Variants in PKD1L3 observed in about 807,000 individuals in gnomAD.
The protein encoded by PKD1L3 is polycystin-1-like protein 3.
A neutral mutation model predicts 184.1 loss-of-function variants in PKD1L3; 239 were observed. The ratio of observed to expected loss-of-function variants is 1.30; its 90% CI spans 1.17 to 1.45. The LOEUF is 1.45. Ranked by LOEUF, PKD1L3 falls within the 40% of genes most tolerant of loss-of-function variation. PKD1L3 has a pLI of 0.00. For missense variants in PKD1L3, 2,660 were observed against 2,067.2 expected, an observed-to-expected ratio of 1.29 and a Z score of -5.56; for synonymous variants, 996 against 778.8, an observed-to-expected ratio of 1.28 and a Z score of -4.64.
Position 71,979,789 on chromosome 16 carries a change from G to T in PKD1L3, c.1395C>A (p.Val465=). 1.3e-6 allele frequency: 2 copies of T among 1,498,808 alleles called. No homozygotes were observed. The highest frequency in any genetic ancestry group is 2.7e-5 in the South Asian group (2 of 75,184). 92.8% of individuals were successfully genotyped at this position (1,498,808 alleles called of 1,614,324 possible). ...TCACAATCAATTTCACACTCACTTG[G>T]ACATTAACTCCTGGATGTTTATTCA... The part of the protein sequence containing the change: ...ELLNKHPGVN[V]QITGLAFNPF... The change falls in exon 9 of 30, where the codon GTC becomes GTA. Residue 465 remains valine, a synonymous_variant. Coordinates refer to ENST00000620267, the MANE Select transcript of PKD1L3 (RefSeq NM_181536.2).
chr16:71,985,243 G>C (rs989208303), intron 5 of PKD1L3, among the ~76,000 whole-genome samples: 2 of 152,056 alleles, frequency 1.3e-5, no homozygotes, highest in Non-Finnish European at 2.9e-5. Context: ...CTGTAGGTCA[G>C]TTTCTCCCCC....
chr16:71,986,633 A>T (rs1299844000), intron 4 of PKD1L3, among the ~76,000 whole-genome samples, 164 bp from the exon 5 acceptor site: 11 of 152,190 alleles, frequency 7.2e-5, no homozygotes, highest in Admixed American at 7.2e-4. Flanking sequence ...AAATTTCAAG[A>T]AATCTGCATA....
Position 71,956,156 on chromosome 16 carries a change from C to A in PKD1L3, c.2613-1855G>T, listed in dbSNP as rs903237917. On this transcript the variant is annotated intron_variant, in intron 16 of 29. Transcript: ENST00000620267. ...TCCAGGTGTGAGCCACTGCACCTGG[C>A]CCATCATTTAGCTTTAAAAAGGAAG... 2.7e-5 allele frequency among the ~76,000 whole-genome samples: 4 copies of A among 150,220 alleles called. No individual in the cohort carries two copies. In the Admixed American group the frequency reaches 2.7e-4, roughly 10 times the overall value.
chr16:71,967,448 A>G (rs2039545465), intron 14 of PKD1L3, 133 bp from the exon 15 acceptor site: 30 of 898,782 alleles, frequency 3.3e-5, no homozygotes, highest in Non-Finnish European at 4.7e-5. Flanking sequence ...AGCATAGATA[A>G]TTCTTCATAT....
intron 24 of PKD1L3, among the ~76,000 whole-genome samples, chr16:71,940,590 C>T (rs1219455612): frequency 6.6e-6 from 1 of 152,006 alleles, no homozygotes; most frequent in Non-Finnish European, 1.5e-5. Context: ...ACCTCCGCCT[C>T]CTGGGTTCAA....
At chr16:71,966,852 A>G (rs1443469949) in intron 15 of PKD1L3, among the ~76,000 whole-genome samples, 1 of 152,194 alleles carries the variant, frequency 6.6e-6, no homozygotes, top group Non-Finnish European at 1.5e-5. Context: ...CTTTCAGGCA[A>G]TATTTCATTG....
intron 4 of PKD1L3, among the ~76,000 whole-genome samples, chr16:71,989,313 T>C (rs1567551644): frequency 6.6e-6 from 1 of 152,124 alleles, no homozygotes; most frequent in African/African-American, 2.4e-5. Context: ...CCACCAAGCC[T>C]GGCTAATTTT....
At chr16:71,943,252 TGTGGCTGGGCACA>T (rs2038425045) in intron 23 of PKD1L3, among the ~76,000 whole-genome samples, 1 of 152,078 alleles carries the variant, frequency 6.6e-6, no homozygotes, top group South Asian at 2.1e-4. Flanking sequence ...ATACAATGGC[TGTGGCTGGGCACA>T]GTGGCTCACA....
intron 4 of PKD1L3, among the ~76,000 whole-genome samples, chr16:71,986,687 C>T (rs539625289): frequency 8.7e-4 from 132 of 152,146 alleles, no homozygotes; most frequent in African/African-American, 2.9e-3. Context: ...TATTGTCAAT[C>T]GTTCAATAAA....
chr16:71,970,660 T>C (rs1171303652), intron 12 of PKD1L3, among the ~76,000 whole-genome samples: 1 of 151,982 alleles, frequency 6.6e-6, no homozygotes, highest in Non-Finnish European at 1.5e-5. Flanking sequence ...ATATAAAAAT[T>C]AGCCAGGCTT....
Position 71,984,031 on chromosome 16 carries a change from C to T in PKD1L3, c.966+5G>A. On this transcript the variant is annotated splice_donor_5th_base_variant and intron_variant, in intron 6 of 29. Transcript: ENST00000620267. ...CTTCTTCCCTCCCAGTCACCCTCCA[C>T]TTACCTGAGCTGGCTTAGAAAATCT... is the stretch of plus-strand genomic sequence containing the variant. The T allele has an allele frequency of 1.9e-6, 3 of 1,551,908 alleles. No individual in the cohort carries two copies. The highest frequency in any genetic ancestry group is 2.6e-6 in the Non-Finnish European group (3 of 1,146,864).
chr16:71,967,529 A>G (rs1235551578), intron 14 of PKD1L3, among the ~76,000 whole-genome samples: 2 of 152,078 alleles, frequency 1.3e-5, no homozygotes, highest in African/African-American at 4.8e-5. Flanking sequence ...CAGTGGTGTG[A>G]TCTTGGCTTA....
intron 9 of PKD1L3, among the ~76,000 whole-genome samples, chr16:71,979,007 A>G (rs1012134207): frequency 1.3e-5 from 2 of 152,212 alleles, no homozygotes; most frequent in African/African-American, 4.8e-5. Context: ...CTATTTTACT[A>G]GGAAGTAACT....
At chr16:71,998,464 T>C in intron 1 of PKD1L3, 70 bp from the exon 2 acceptor site, 1 of 1,502,568 alleles carries the variant, frequency 6.7e-7, no homozygotes, top group Non-Finnish European at 8.8e-7. Flanking sequence ...TTTTTATTAT[T>C]GTTTTTGAGA....
At chr16:71,974,682 AAAACAG>A in intron 11 of PKD1L3, among the ~76,000 whole-genome samples, 1 of 152,166 alleles carries the variant, frequency 6.6e-6, no homozygotes, top group Non-Finnish European at 1.5e-5. Context: ...AGCCTGTCTC[AAAACAG>A]AAACAGAAAC....
rs556869795 is a variant in PKD1L3, at chr16:71,964,736, C to G, written c.2466-1385G>C. On this transcript the variant is annotated intron_variant, in intron 15 of 29. Coordinates refer to ENST00000620267, the MANE Select transcript of PKD1L3 (RefSeq NM_181536.2). ...TCCTTCCAGTCACCTCCTGCCCCCT[C>G]ATTCCTGGCCTTAGGAGAACAATGA... Among the ~76,000 whole-genome samples, 4 of 152,148 alleles carry G rather than the reference C, an allele frequency of 2.6e-5. No individual in the cohort carries two copies. In the South Asian group the frequency reaches 8.3e-4, roughly 32 times the overall value.
chr16:71,986,191 C>A, intron 5 of PKD1L3, 30 bp downstream of exon 5: 1 of 1,549,010 alleles, frequency 6.5e-7, no homozygotes, highest in Non-Finnish European at 8.7e-7. Flanking sequence ...GGTCACAAAG[C>A]TACCTGTGAC....
Position 71,948,622 on chromosome 16 carries a change from G to A in PKD1L3, c.3619-1031C>T, listed in dbSNP as rs193104787. Reference sequence around the variant, plus strand: ...TACATATTGCCAGATTTTCCTTAACGAGCACTGGCTGTTCATTTCCTTGGC... The same window carrying A: ...TACATATTGCCAGATTTTCCTTAACAAGCACTGGCTGTTCATTTCCTTGGC... On this transcript the variant is annotated intron_variant, in intron 21 of 29. Transcript: ENST00000620267. Among the ~76,000 whole-genome samples, 9 of 152,150 alleles carry A rather than the reference G, an allele frequency of 5.9e-5. No homozygotes were observed. The East Asian group carries it at 1.3e-3, about 23-fold the overall frequency.
chr16:71,987,288 A>G (rs892581706), intron 4 of PKD1L3, among the ~76,000 whole-genome samples: 8 of 148,654 alleles, frequency 5.4e-5, no homozygotes, highest in African/African-American at 2.0e-4. Context: ...TGGCACAATC[A>G]TGGCTCCTTG....
Sources: allele counts gnomAD v4.1 joint callset (sites outside exome capture counted in the v4.1 genomes callset), GRCh38; gene constraint gnomAD v4.1.1; transcripts MANE v1.5; gene names NCBI Gene and HGNC (gene_info 2026-07-23, HGNC 2026-07-21).